CLIC5: variants seen among roughly 807,000 people sequenced by gnomAD.
CLIC5 encodes CLIC family member 5, also known as chloride intracellular channel protein 5.
In CLIC5, 20 loss-of-function variants were observed where a neutral mutation model predicts 24.7. The observed-to-expected ratio is 0.81, with a 90% confidence interval of 0.57 to 1.18. The LOEUF (loss-of-function observed/expected upper bound fraction) is 1.18, where lower values mean the gene tolerates loss of function less well. Among genes scored for constraint, CLIC5 ranks in the 50% most tolerant of loss-of-function variants. The probability of loss-of-function intolerance (pLI) is 0.00; values close to 1 mark genes in which losing one functional copy is unlikely to be tolerated. For missense variants in CLIC5, 341 were observed against 326.1 expected, an observed-to-expected ratio of 1.05 and a Z score of -0.35; for synonymous variants, 159 against 135.6, an observed-to-expected ratio of 1.17 and a Z score of -1.20.
At chr6:45,982,067 G>A (rs76276094) in intron 1 of CLIC5, among the ~76,000 whole-genome samples, 8 of 152,202 alleles carry the variant, frequency 5.3e-5, no homozygotes, top group Non-Finnish European at 1.2e-4. Flanking sequence ...TTTGATCTTG[G>A]AATGTTGGAA....
intron 1 of CLIC5, among the ~76,000 whole-genome samples, chr6:46,007,760 A>G (rs958980535): frequency 6.6e-6 from 1 of 152,156 alleles, no homozygotes; most frequent in Non-Finnish European, 1.5e-5. Context: ...AAGCTTTTCC[A>G]AATAATAAAT....
intron 2 of CLIC5, among the ~76,000 whole-genome samples, chr6:45,951,087 C>A (rs1370625827): frequency 6.6e-6 from 1 of 152,110 alleles, no homozygotes; most frequent in Non-Finnish European, 1.5e-5. Flanking sequence ...CTTTGCTGGG[C>A]CCAGTAGGAT....
chr6:45,894,493 G>T (rs778761914), downstream of CLIC5, among the ~76,000 whole-genome samples: 1 of 152,060 alleles, frequency 6.6e-6, no homozygotes, highest in Non-Finnish European at 1.5e-5. Context: ...TAAAGTTATA[G>T]ATGAAAAAGG....
At chr6:46,116,118 T>C in the CLIC5 span, among the ~76,000 whole-genome samples, 1 of 152,126 alleles carries the variant, frequency 6.6e-6, no homozygotes, top group South Asian at 2.1e-4. Flanking sequence ...CTTTAGGGTA[T>C]AACCATTAGC....
At chr6:45,939,815 C>A (rs187745443) in intron 4 of CLIC5, among the ~76,000 whole-genome samples, 1 of 151,034 alleles carries the variant, frequency 6.6e-6, no homozygotes, top group African/African-American at 2.4e-5. Flanking sequence ...TAATTAAAAA[C>A]AAGTTTTTTT....
At position 46,015,609 on chromosome 6, in the gene CLIC5, A is replaced by C. The variant is rs1766975495; in HGVS notation, c.-67T>G. The C allele has an allele frequency of 4.1e-6, 6 of 1,453,222 alleles. No individual in the cohort carries two copies. In the South Asian group the frequency reaches 8.2e-5, roughly 20 times the overall value. 90.0% of individuals were successfully genotyped at this position (1,453,222 alleles called of 1,614,324 possible). On this transcript the variant is annotated 5_prime_UTR_variant, in exon 1 of 6. Transcript: ENST00000339561. ...CCACCTCTGCAGCACCTGGGCCAGC[A>C]CTCTGCGCTCCTGCCGCTGCCCAGC... is the stretch of plus-strand genomic sequence containing the variant.
chr6:45,920,587 T>C, intron 4 of CLIC5: 1 of 646,578 alleles, frequency 1.5e-6, no homozygotes, highest in Non-Finnish European at 1.9e-6. Context: ...ATTTGATAGT[T>C]TAAAACGTGA....
chr6:46,110,753 T>C, the CLIC5 span, among the ~76,000 whole-genome samples: 1 of 152,202 alleles, frequency 6.6e-6, no homozygotes, highest in Non-Finnish European at 1.5e-5. Flanking sequence ...GCACAGTCTG[T>C]TGGCAAACTC....
chr6:45,990,511 T>C (rs1487577224), intron 1 of CLIC5, among the ~76,000 whole-genome samples: 3 of 152,190 alleles, frequency 2.0e-5, no homozygotes, highest in Non-Finnish European at 4.4e-5. Context: ...CAACCATAAA[T>C]GTGTAGCATC....
intron 5 of CLIC5, among the ~76,000 whole-genome samples, chr6:45,906,020 T>C (rs1434662440): frequency 6.6e-6 from 1 of 152,210 alleles, no homozygotes; most frequent in East Asian, 1.9e-4. Context: ...CAGATGACCG[T>C]AGGTGTGTGG....
the CLIC5 span, among the ~76,000 whole-genome samples, chr6:46,099,652 T>C: frequency 6.6e-6 from 1 of 152,182 alleles, no homozygotes; most frequent in Non-Finnish European, 1.5e-5. Flanking sequence ...GCTAAGACCA[T>C]GTGTGTCTTT....
chr6:45,957,908 GAA>G (rs1225920734), intron 1 of CLIC5, among the ~76,000 whole-genome samples: 1 of 151,686 alleles, frequency 6.6e-6, no homozygotes, highest in Admixed American at 6.6e-5. Context: ...CCCACATCCT[GAA>G]AAGTGTGAGG....
intron 1 of CLIC5, among the ~76,000 whole-genome samples, chr6:45,996,558 T>A (rs1766147606): frequency 6.6e-6 from 1 of 152,182 alleles, no homozygotes; most frequent in South Asian, 2.1e-4. Context: ...TTCAGCTTTC[T>A]ACATATGGCT....
chr6:45,926,251 T>A (rs1313547874), intron 4 of CLIC5, among the ~76,000 whole-genome samples: 11 of 115,232 alleles, frequency 9.5e-5, no homozygotes, highest in Admixed American at 7.7e-4. Context: ...ATATTTTATT[T>A]TTTTTATTTT....
intron 6 of CLIC5, among the ~76,000 whole-genome samples, chr6:45,885,907 G>T (rs1221806043): frequency 6.6e-6 from 1 of 152,154 alleles, no homozygotes; most frequent in Non-Finnish European, 1.5e-5. Context: ...CCTGAGAGCC[G>T]AATCAAAATA....
chr6:45,903,286 G>A (rs2127294276), intron 5 of CLIC5, 31 bp from the exon 6 acceptor site: 1 of 1,546,554 alleles, frequency 6.5e-7, no homozygotes, highest in South Asian at 1.3e-5. Context: ...CAGAGGTGGT[G>A]TGAAGGCATG....
At chr6:46,068,851 GATCT>G (rs1762513049) in intron 1 of CLIC5, among the ~76,000 whole-genome samples, 1 of 152,122 alleles carries the variant, frequency 6.6e-6, no homozygotes, top group Admixed American at 6.6e-5. Flanking sequence ...CCAACACCTT[GATCT>G]TGCTCTTCTA....
intron 1 of CLIC5, among the ~76,000 whole-genome samples, chr6:46,029,449 G>T (rs1338604159): frequency 6.6e-6 from 1 of 152,162 alleles, no homozygotes; most frequent in Non-Finnish European, 1.5e-5. Flanking sequence ...GAAGTAAAGT[G>T]ACTTGCCCAA....
At chr6:45,963,995 A>T (rs921032235) in intron 1 of CLIC5, among the ~76,000 whole-genome samples, 1 of 152,198 alleles carries the variant, frequency 6.6e-6, no homozygotes, top group African/African-American at 2.4e-5. Flanking sequence ...AGTACTCAAG[A>T]AATGTAAGAC....
Sources: allele counts gnomAD v4.1 joint callset (sites outside exome capture counted in the v4.1 genomes callset), GRCh38; gene constraint gnomAD v4.1.1; transcripts MANE v1.5; gene names NCBI Gene and HGNC (gene_info 2026-07-23, HGNC 2026-07-21).